Variants in KDM4D observed in about 807,000 individuals in gnomAD.
KDM4D encodes the protein lysine demethylase 4D, also known as lysine-specific demethylase 4D.
For synonymous variants in KDM4D, 254 were observed against 249.1 expected (o/e 1.02, Z -0.19); for missense variants, 427 against 674.8 (o/e 0.63, Z 4.07).
intron 1 of KDM4D, among the ~76,000 whole-genome samples, chr11:94,974,341 AT>A (rs1857776667): frequency 6.6e-6 from 1 of 152,222 alleles, no homozygotes; most frequent in Admixed American, 6.5e-5. Context: ...ATAAAAACAA[AT>A]TCTGAGAATA....
At chr11:94,986,897 C>T (rs1009311201) in intron 2 of KDM4D, among the ~76,000 whole-genome samples, 1 of 152,056 alleles carries the variant, frequency 6.6e-6, no homozygotes, top group East Asian at 1.9e-4. Flanking sequence ...GTAATAGTCC[C>T]AAAATGAAAA....
intron 2 of KDM4D, among the ~76,000 whole-genome samples, chr11:94,981,001 G>A (rs1168013118): frequency 6.6e-6 from 1 of 152,114 alleles, no homozygotes; most frequent in East Asian, 1.9e-4. Flanking sequence ...ATCTGCAAGG[G>A]AAAACGTATA....
At chr11:94,987,964 A>G (rs141494454) in intron 2 of KDM4D, among the ~76,000 whole-genome samples, 5 of 152,316 alleles carry the variant, frequency 3.3e-5, no homozygotes, top group African/African-American at 1.2e-4. Flanking sequence ...TTTGCTGTCT[A>G]CTGGTATTTC....
At chr11:94,989,756 T>C (rs1237267448) in intron 2 of KDM4D, among the ~76,000 whole-genome samples, 23 of 147,270 alleles carry the variant, frequency 1.6e-4, no homozygotes, top group African/African-American at 5.3e-4. Flanking sequence ...CTCTTTCTTT[T>C]TTTTTTTTTT....
intron 2 of KDM4D, among the ~76,000 whole-genome samples, chr11:94,989,693 G>C (rs782096580): frequency 6.6e-6 from 1 of 151,300 alleles, no homozygotes; most frequent in African/African-American, 2.4e-5. Flanking sequence ...GGCATTTGTA[G>C]GCACAAAAGG....
intron 2 of KDM4D, among the ~76,000 whole-genome samples, chr11:94,992,277 A>G (rs1262640145): frequency 1.3e-5 from 2 of 151,732 alleles, no homozygotes; most frequent in South Asian, 2.1e-4. Context: ...GGCAAAAAAA[A>G]CTATTAACAT....
intron 2 of KDM4D, among the ~76,000 whole-genome samples, chr11:94,992,609 G>A (rs966635939): frequency 6.6e-5 from 10 of 152,116 alleles, no homozygotes; most frequent in South Asian, 2.1e-4. Flanking sequence ...TTGGCAACGT[G>A]TATTAAAGAT....
At position 94,998,733 on chromosome 11, in the gene KDM4D, G is replaced by T; in HGVS notation, c.1361G>T (p.Gly454Val). The change falls in exon 3 of 3, where the codon GGT becomes GTT. Residue 454 changes from glycine to valine, a missense_variant. By Grantham distance (109) the Gly-to-Val change is moderately radical. Transcript: ENST00000335080. This position sits in a 1 kb window ranked among gnomAD's most constrained non-coding sequence, Gnocchi z 6.7. ...IHPSNGRRGRGRPPQKLRAQE... is the reference protein window; with the variant it reads ...IHPSNGRRGRVRPPQKLRAQE... ...CCGTCAAATGGCAGACGTGGTCGTG[G>T]TCGCCCTCCTCAGAAACTGAGAGCT... is the stretch of plus-strand genomic sequence containing the variant. 6.2e-7 allele frequency: 1 copy of T among 1,614,066 alleles called. No homozygotes were observed. Among genetic ancestry groups the T allele is most frequent in the Non-Finnish European group, 8.5e-7 (1 of 1,179,940 alleles).
intron 2 of KDM4D, among the ~76,000 whole-genome samples, chr11:94,987,019 T>A (rs1565418455): frequency 6.6e-6 from 1 of 152,230 alleles, no homozygotes; most frequent in Non-Finnish European, 1.5e-5. Context: ...TACAACATGG[T>A]TGAACCTCAA....
chr11:94,986,886 C>T (rs1451662312), intron 2 of KDM4D, among the ~76,000 whole-genome samples: 31 of 152,074 alleles, frequency 2.0e-4, no homozygotes, highest in Admixed American at 1.8e-3. Flanking sequence ...CAGTATTATT[C>T]GTAATAGTCC....
chr11:94,997,561 T>C lies in KDM4D; in HGVS notation c.189T>C (p.Tyr63=), dbSNP rs1376093082. 18 of 1,613,964 alleles carry C rather than the reference T, an allele frequency of 1.1e-5. No individual in the cohort carries two copies. In the Admixed American group the frequency reaches 2.2e-4, roughly 19 times the overall value. The change falls in exon 3 of 3, where the codon TAT becomes TAC. Residue 63 remains tyrosine (Y), a synonymous_variant. Transcript: ENST00000335080. ...PPKEWKARET[Y]DNISEILIAT... is the part of the protein sequence containing the mutation. The stretch of plus-strand genomic sequence containing the variant: ...AAGAATGGAAAGCCAGAGAGACCTA[T>C]GATAATATCAGTGAAATCTTAATAG...
chr11:94,978,885 A>T (rs192378122), intron 2 of KDM4D, among the ~76,000 whole-genome samples: 34 of 152,304 alleles, frequency 2.2e-4, no homozygotes, highest in Non-Finnish European at 1.2e-4. Context: ...TTACTATCGG[A>T]CATGTATGCA....
At chr11:94,987,112 C>A (rs1555098203) in intron 2 of KDM4D, among the ~76,000 whole-genome samples, 1 of 152,090 alleles carries the variant, frequency 6.6e-6, no homozygotes, top group African/African-American at 2.4e-5. Flanking sequence ...GTGGGCAAAT[C>A]TGTAGAGATA....
chr11:94,991,638 T>G (rs2134114437), intron 2 of KDM4D, among the ~76,000 whole-genome samples: 1 of 151,638 alleles, frequency 6.6e-6, no homozygotes, highest in East Asian at 1.9e-4. Flanking sequence ...GAGATAAAGA[T>G]GAAGAAATTT....
rs912696820 is a variant in KDM4D, at chr11:94,973,929, A to T, written c.-584A>T. 1 of 152,256 alleles carries T rather than the reference A, an allele frequency of 6.6e-6. No individual in the cohort carries two copies. Among genetic ancestry groups the T allele is most frequent in the African/African-American group, 2.4e-5 (1 of 41,460 alleles). The allele number at this position is 152,256 out of a possible 1,614,324, so 9.4% of individuals were successfully genotyped here. On this transcript the variant is annotated 5_prime_UTR_variant, in exon 1 of 3. Coordinates refer to ENST00000335080, the MANE Select transcript of KDM4D (RefSeq NM_018039.3). ...GGATTACACCAAACTGTTTAAATCCAACGACTCCTGCTTCCATCCTTTCTC... is the reference window on the plus strand; with the variant it reads ...GGATTACACCAAACTGTTTAAATCCTACGACTCCTGCTTCCATCCTTTCTC...
At chr11:94,977,262 A>T (rs1345810764) in intron 2 of KDM4D, among the ~76,000 whole-genome samples, 3 of 152,236 alleles carry the variant, frequency 2.0e-5, no homozygotes, top group African/African-American at 7.2e-5. Context: ...ACATAGTTGG[A>T]TGGGATTGAG....
rs1857843852 is a variant in KDM4D at position 94,981,637 on chromosome 11, A to G, written c.-350+5889A>G. Among the ~76,000 whole-genome samples the G allele has an allele frequency of 1.3e-5, 2 of 151,912 alleles. 1 individual carries two copies. The highest frequency in any genetic ancestry group is 1.3e-4 in the Admixed American group (2 of 15,268). On this transcript the variant is annotated intron_variant, in intron 2 of 2. Coordinates refer to ENST00000335080, the MANE Select transcript of KDM4D (RefSeq NM_018039.3). ...AAACTGTATTGGCATAAAGTTGTTT[A>G]TACTTCTTTGTTGTCTCTTTTATGT...
chr11:94,982,093 A>G (rs1431118524), intron 2 of KDM4D, among the ~76,000 whole-genome samples: 1 of 151,730 alleles, frequency 6.6e-6, no homozygotes, highest in African/African-American at 2.4e-5. Context: ...TTAGAAATAT[A>G]CTTTTTATTT....
intron 2 of KDM4D, among the ~76,000 whole-genome samples, chr11:94,992,443 A>G (rs1555098793): frequency 6.6e-6 from 1 of 152,118 alleles, no homozygotes. Context: ...ACTAATATTT[A>G]TGAAAAAAAT....
Sources: allele counts gnomAD v4.1 joint callset (sites outside exome capture counted in the v4.1 genomes callset), GRCh38; gene constraint gnomAD v4.1.1; non-coding constraint Gnocchi (gnomAD v3.1); transcripts MANE v1.5; gene names NCBI Gene and HGNC (gene_info 2026-07-23, HGNC 2026-07-21).